Variants in CALN1 observed in about 807,000 individuals in gnomAD.
The protein encoded by CALN1 is calcium-binding protein 8.
Under a neutral mutation model 30.6 loss-of-function variants are expected in CALN1, and 17 were observed. The ratio of observed to expected loss-of-function variants is 0.56; its 90% CI spans 0.38 to 0.83. CALN1 has a LOEUF of 0.83. Among genes scored for constraint, CALN1 ranks in the 40% least tolerant of loss-of-function variants. CALN1 has a pLI of 0.00. For synonymous variants in CALN1, 156 were observed against 131.4 expected (o/e 1.19, Z -1.28); for missense variants, 291 against 354.9 (o/e 0.82, Z 1.45).
At chr7:72,077,156 C>T (rs1030263280) in intron 4 of CALN1, among the ~76,000 whole-genome samples, 18 of 152,088 alleles carry the variant, frequency 1.2e-4, no homozygotes, top group African/African-American at 4.3e-4. Context: ...CAAAACATCA[C>T]CAGGACTCCA....
intron 5 of CALN1, among the ~76,000 whole-genome samples, chr7:71,848,754 G>A (rs943434951): frequency 6.6e-6 from 1 of 151,822 alleles, no homozygotes; most frequent in African/African-American, 2.4e-5. Context: ...AAACATAATA[G>A]AAAAAAATTA....
At chr7:71,871,388 C>T (rs1791917208) in intron 5 of CALN1, among the ~76,000 whole-genome samples, 1 of 151,624 alleles carries the variant, frequency 6.6e-6, no homozygotes, top group Non-Finnish European at 1.5e-5. Context: ...CTGGACACAA[C>T]CAGCCCTCCA....
intron 2 of CALN1, among the ~76,000 whole-genome samples, chr7:72,287,146 C>A (rs747365461): frequency 3.3e-5 from 5 of 152,158 alleles, no homozygotes; most frequent in Non-Finnish European, 7.4e-5. Flanking sequence ...ATTTTGCCTT[C>A]TTTGCTTATT....
chr7:72,443,398 A>G (rs1170595575), intron 1 of CALN1, among the ~76,000 whole-genome samples: 1 of 152,156 alleles, frequency 6.6e-6, no homozygotes. Context: ...CATCTCCTTC[A>G]AAATGAAGTG....
In CALN1 at chr7:71,787,436, T is replaced by TAAAATA; in HGVS notation, c.*338_*339insTATTTT. 1 of 258,350 alleles carries TAAAATA rather than the reference T, an allele frequency of 3.9e-6. No individual in the cohort carries two copies. The highest frequency in any genetic ancestry group is 7.8e-6 in the Non-Finnish European group (1 of 128,322). The allele number at this position is 258,350 out of a possible 1,614,324, so 16.0% of individuals were successfully genotyped here. On this transcript the variant is annotated 3_prime_UTR_variant, in exon 7 of 7. Transcript: ENST00000395275. ...TGCCTCTCTCTTGCTCTCTCACCAT[T>TAAAATA]ATACCTGGATGGCTGCTGGAATTCC...
chr7:72,407,204 A>C (rs1206120153), intron 1 of CALN1, among the ~76,000 whole-genome samples: 1 of 152,224 alleles, frequency 6.6e-6, no homozygotes, highest in Non-Finnish European at 1.5e-5. Flanking sequence ...GGGCTGTGTG[A>C]CCTTGGGCAA....
chr7:72,375,630 T>C (rs1225284916), intron 2 of CALN1, among the ~76,000 whole-genome samples: 1 of 150,874 alleles, frequency 6.6e-6, no homozygotes, highest in Non-Finnish European at 1.5e-5. Context: ...TAATACAAAA[T>C]TAGGCACATA....
intron 5 of CALN1, among the ~76,000 whole-genome samples, chr7:71,938,785 G>A (rs774103861): frequency 5.9e-5 from 9 of 152,006 alleles, no homozygotes; most frequent in Non-Finnish European, 1.3e-4. Context: ...ACGAAACTCT[G>A]TCTGAAAAAA....
At chr7:72,333,927 A>G (rs1401468194) in intron 2 of CALN1, among the ~76,000 whole-genome samples, 1 of 152,168 alleles carries the variant, frequency 6.6e-6, no homozygotes, top group East Asian at 1.9e-4. Flanking sequence ...ACTCTAAACA[A>G]GTTACTGCAG....
At chr7:71,883,170 C>G (rs888198792) in intron 5 of CALN1, among the ~76,000 whole-genome samples, 2 of 152,172 alleles carry the variant, frequency 1.3e-5, no homozygotes, top group Non-Finnish European at 2.9e-5. Context: ...CATATACACA[C>G]ATGCACACAC....
At chr7:72,114,243 T>TGAAAGGAAGG (rs1807784010) in intron 3 of CALN1, among the ~76,000 whole-genome samples, 1 of 40,372 alleles carries the variant, frequency 2.5e-5, no homozygotes, top group Non-Finnish European at 4.6e-5. Context: ...AAATAAAAGT[T>TGAAAGGAAGG]GAAGGGAAGG....
At chr7:72,216,057 AC>A (rs1375915217) in intron 3 of CALN1, among the ~76,000 whole-genome samples, 1 of 151,956 alleles carries the variant, frequency 6.6e-6, no homozygotes, top group African/African-American at 2.4e-5. Flanking sequence ...CCACCAATAA[AC>A]CTTGCACACT....
chr7:72,485,116 A>G, the CALN1 span, among the ~76,000 whole-genome samples: 2 of 152,188 alleles, frequency 1.3e-5, no homozygotes, highest in African/African-American at 4.8e-5. Context: ...TTACCTAGGC[A>G]TGGTAGTATG....
At chr7:71,839,153 TA>T (rs963924621) in intron 5 of CALN1, among the ~76,000 whole-genome samples, 25 of 152,146 alleles carry the variant, frequency 1.6e-4, no homozygotes, top group Admixed American at 1.4e-3. Flanking sequence ...GGGAGACCCA[TA>T]AAAGAGATAC....
rs537217635 is a variant in CALN1, at chr7:72,385,537, C to CCCAGG, written c.119+17709_119+17713dup. Among the ~76,000 whole-genome samples, 142 of 152,038 alleles carry CCCAGG rather than the reference C, an allele frequency of 9.3e-4. 1 individual carries two copies. Among genetic ancestry groups the CCCAGG allele is most frequent in the African/African-American group, 3.3e-3 (137 of 41,458 alleles). On this transcript the variant is annotated intron_variant, in intron 2 of 6. Transcript: ENST00000395275. ...CCAAACCTCATCTCGAATTCTCATC[C>CCCAGG]CCAGGTACCACAGGAAAATGGAATA...
rs750080253 is a variant in CALN1 at position 72,278,756 on chromosome 7, G to A, written c.174C>T (p.Tyr58=). 26 of 1,614,080 alleles carry A rather than the reference G, an allele frequency of 1.6e-5. No individual in the cohort carries two copies. Among genetic ancestry groups the A allele is most frequent in the East Asian group, 2.2e-5 (1 of 44,862 alleles). Residue 58 remains tyrosine, a synonymous_variant, in exon 3 of 7, where the codon TAC becomes TAT. Coordinates refer to ENST00000395275, the MANE Select transcript of CALN1 (RefSeq NM_031468.4). ...VTAGLLYKGN[Y]LNRSLSAGSD... is the part of the protein sequence containing the mutation. ...TGCCAGCAGAGAGCGATCGGTTGAG[G>A]TAATTCCCCTTGTACAACAAGCCGG...
intron 5 of CALN1, among the ~76,000 whole-genome samples, chr7:72,004,892 A>G: frequency 6.6e-6 from 1 of 152,230 alleles, no homozygotes; most frequent in East Asian, 1.9e-4. Flanking sequence ...CAGATGGTAA[A>G]TGATCACTGT....
the CALN1 span, among the ~76,000 whole-genome samples, chr7:72,503,104 C>T: frequency 2.6e-5 from 4 of 152,052 alleles, no homozygotes; most frequent in Non-Finnish European, 5.9e-5. Flanking sequence ...TGAGATCGTG[C>T]CACTGCACTC....
chr7:72,386,255 A>T (rs963606796), intron 2 of CALN1, among the ~76,000 whole-genome samples: 3 of 152,196 alleles, frequency 2.0e-5, no homozygotes, highest in African/African-American at 7.2e-5. Flanking sequence ...AAAATGATCT[A>T]GGAGGTCCAT....
Sources: allele counts gnomAD v4.1 joint callset (sites outside exome capture counted in the v4.1 genomes callset), GRCh38; gene constraint gnomAD v4.1.1; transcripts MANE v1.5; gene names NCBI Gene and HGNC (gene_info 2026-07-23, HGNC 2026-07-21).